The following MMAA variants were observed in gnomAD, a reference collection of about 807,000 sequenced individuals.
MMAA encodes methylmalonic aciduria type A protein, mitochondrial.
A neutral mutation model predicts 45.0 loss-of-function variants in MMAA; 41 were observed. That is an observed-to-expected ratio of 0.91 (90% CI 0.71 to 1.18). The LOEUF (loss-of-function observed/expected upper bound fraction) is 1.18. Ranked by LOEUF, MMAA falls within the 50% of genes most tolerant of loss-of-function variation. The pLI is 0.00. For missense variants in MMAA, 460 were observed against 495.7 expected, an observed-to-expected ratio of 0.93 and a Z score of 0.68; for synonymous variants, 154 against 178.2, an observed-to-expected ratio of 0.86 and a Z score of 1.08.
rs183941385 is a variant in MMAA at position 145,653,934 on chromosome 4, G to A, written c.820-60G>A. ...GAAATGTATGACTTTCAAAATCTGA[G>A]CATTGACTAGTTTTCCCATTTTTAT... On this transcript the variant is annotated intron_variant, in intron 5 of 6. Transcript: ENST00000649156. 137 of 1,552,436 alleles carry A rather than the reference G, an allele frequency of 8.8e-5. 3 individuals carry two copies. The Admixed American group carries it at 2.3e-3, about 26-fold the overall frequency.
chr4:145,631,245 G>A (rs1734329386), intron 1 of MMAA, among the ~76,000 whole-genome samples: 1 of 152,194 alleles, frequency 6.6e-6, no homozygotes, highest in South Asian at 2.1e-4. Flanking sequence ...TGAAAGTGGG[G>A]TGTTGAAGTC....
chr4:145,654,838 T>A (rs1290992511), intron 6 of MMAA, among the ~76,000 whole-genome samples: 2 of 152,210 alleles, frequency 1.3e-5, no homozygotes, highest in Non-Finnish European at 2.9e-5. Flanking sequence ...ATTGCCCTTG[T>A]CACAAGTCCT....
At chr4:145,620,494 T>C (rs2126604459) in intron 1 of MMAA, among the ~76,000 whole-genome samples, 1 of 152,274 alleles carries the variant, frequency 6.6e-6, no homozygotes, top group South Asian at 2.1e-4. Context: ...AAGATCTGTA[T>C]TTTTACGTAT....
chr4:145,640,180 C>A (rs975763311), intron 2 of MMAA, among the ~76,000 whole-genome samples: 4 of 151,504 alleles, frequency 2.6e-5, no homozygotes, highest in African/African-American at 9.7e-5. Context: ...GATCTCGGCT[C>A]ACTGCAACCT....
chr4:145,639,603 C>T, intron 2 of MMAA, 25 bp downstream of exon 2: 5 of 1,592,150 alleles, frequency 3.1e-6, no homozygotes, highest in Admixed American at 1.8e-5. Flanking sequence ...TGTGTTTTCT[C>T]AGTAAATATT....
intron 2 of MMAA, chr4:145,639,800 G>T (rs1727732109): frequency 1.0e-6 from 1 of 984,328 alleles, no homozygotes; most frequent in Admixed American, 6.2e-5. Flanking sequence ...AATAATATAA[G>T]ATTTTTACTT....
chr4:145,624,769 A>G lies in MMAA; in HGVS notation c.-66+5362A>G, dbSNP rs1366273925. ...GCCTTCTCCTCACAATTCTCATCAT[A>G]CACGCACTCTGCAAAGCTTATGCAG... On this transcript the variant is annotated intron_variant, in intron 1 of 6. Transcript: ENST00000649156. 6 of 1,599,562 alleles carry G rather than the reference A, an allele frequency of 3.8e-6. No homozygotes were observed. In the East Asian group the frequency reaches 1.3e-4, roughly 36 times the overall value.
Position 145,633,268 on chromosome 4 carries a change from G to A in MMAA, c.-65-5807G>A, listed in dbSNP as rs966034844. Among the ~76,000 whole-genome samples the A allele has an allele frequency of 7.5e-5, 10 of 133,062 alleles. No individual in the cohort carries two copies. The South Asian group carries it at 1.2e-3, about 16-fold the overall frequency. The allele number at this position is 133,062 out of a possible 152,430, so 87.3% of individuals were successfully genotyped here. A position where few individuals can be genotyped will look rare whatever the true frequency, so the allele number is the denominator to read the frequency against. ...GGCTGGAATGCAGTGATGCGATCTC[G>A]GCTCACCACAACTTCTGCCTCCCAG... On this transcript the variant is annotated intron_variant, in intron 1 of 6. Coordinates refer to ENST00000649156, the MANE Select transcript of MMAA (RefSeq NM_172250.3).
chr4:145,642,800 C>T (rs1459457550), intron 3 of MMAA: 2 of 356,678 alleles, frequency 5.6e-6, no homozygotes, highest in Admixed American at 7.7e-5. Context: ...CTCTTTGCTC[C>T]TGTTGTGTTT....
chr4:145,646,205 A>T, intron 4 of MMAA, 49 bp downstream of exon 4: 1 of 1,605,774 alleles, frequency 6.2e-7, no homozygotes, highest in Non-Finnish European at 8.5e-7. Flanking sequence ...TATGAATGCT[A>T]TATAAAGATG....
rs1728292159 is a variant in MMAA at position 145,658,383 on chromosome 4, A to T, written c.*2949A>T. 6.6e-6 allele frequency: 1 copy of T among 152,174 alleles called. No homozygotes were observed. Among genetic ancestry groups the T allele is most frequent in the Non-Finnish European group, 1.5e-5 (1 of 68,026 alleles). The allele number at this position is 152,174 out of a possible 1,614,324, so 9.4% of individuals were successfully genotyped here. On this transcript the variant is annotated 3_prime_UTR_variant, in exon 7 of 7. Transcript: ENST00000649156. ...AAAAGATAATTCTGAAAAAAATCTC[A>T]TAGGTTCACTTTGCCTTGTCAAGAA...
chr4:145,646,044 C>T lies in MMAA; in HGVS notation c.621C>T (p.Tyr207=). 1 of 1,614,056 alleles carries T rather than the reference C, an allele frequency of 6.2e-7. No homozygotes were observed. Among genetic ancestry groups the T allele is most frequent in the Non-Finnish European group, 8.5e-7 (1 of 1,179,970 alleles). The change falls in exon 4 of 7, where the codon TAC becomes TAT. Residue 207 remains tyrosine, a synonymous_variant. Coordinates refer to ENST00000649156, the MANE Select transcript of MMAA (RefSeq NM_172250.3). Reference sequence around the variant, plus strand: ...AGTTATCAAGAGATATGAATGCATACATCAGGCCATCTCCTACTAGAGGAA... The same window carrying T: ...AGTTATCAAGAGATATGAATGCATATATCAGGCCATCTCCTACTAGAGGAA... ...MTELSRDMNA[Y]IRPSPTRGTL... is the part of the protein sequence containing the mutation.
At chr4:145,649,348 G>A (rs1728028368) in intron 4 of MMAA, among the ~76,000 whole-genome samples, 1 of 152,146 alleles carries the variant, frequency 6.6e-6, no homozygotes, top group Non-Finnish European at 1.5e-5. Flanking sequence ...CAGGTATGGT[G>A]CTTTGACAGT....
intron 6 of MMAA, 113 bp from the exon 7 acceptor site, chr4:145,655,034 G>C: frequency 8.9e-7 from 1 of 1,123,006 alleles, no homozygotes; most frequent in Non-Finnish European, 1.3e-6. Flanking sequence ...TCTCACTCTT[G>C]TCAATTGCCT....
chr4:145,642,570 C>G (rs183167526), intron 3 of MMAA, 85 bp downstream of exon 3: 287 of 1,567,826 alleles, frequency 1.8e-4, no homozygotes, highest in South Asian at 8.8e-4. Flanking sequence ...GTTGGGTGAC[C>G]TCTAACTGCT....
At chr4:145,624,644 C>A in intron 1 of MMAA, 1 of 1,436,154 alleles carries the variant, frequency 7.0e-7, no homozygotes, top group Admixed American at 1.9e-5. Context: ...GACAGAGCCA[C>A]ATATTCAGGG....
chr4:145,619,636 C>T (rs1734051098), intron 1 of MMAA, among the ~76,000 whole-genome samples: 1 of 152,172 alleles, frequency 6.6e-6, no homozygotes, highest in African/African-American at 2.4e-5. Flanking sequence ...GAAGCTTTAA[C>T]AAAGAAAGGC....
In MMAA at chr4:145,656,490, T is replaced by C. The variant is rs894162869; in HGVS notation, c.*1056T>C. 1 of 151,956 alleles carries C rather than the reference T, an allele frequency of 6.6e-6. No homozygotes were observed. Among genetic ancestry groups the C allele is most frequent in the African/African-American group, 2.4e-5 (1 of 41,214 alleles). 9.4% of individuals were successfully genotyped at this position (151,956 alleles called of 1,614,324 possible). A position where few individuals can be genotyped will look rare whatever the true frequency, so the allele number is the denominator to read the frequency against. ...TAGGAAATACTCGAAGGCTGCTTAC[T>C]ATCCTTATTACATTAAAGTTATGGG... On this transcript the variant is annotated 3_prime_UTR_variant, in exon 7 of 7. Transcript: ENST00000649156.
intron 5 of MMAA, 111 bp downstream of exon 5, chr4:145,651,258 A>G (rs1271933148): frequency 3.3e-6 from 3 of 922,560 alleles, no homozygotes; most frequent in African/African-American, 3.3e-5. Flanking sequence ...AGAAAATGAA[A>G]TATCATTCAT....
Sources: gnomAD v4.1 joint callset for allele counts (sites outside exome capture counted in the v4.1 genomes callset) on GRCh38, gnomAD v4.1.1 for gene constraint, MANE v1.5 for transcripts, NCBI Gene and HGNC (gene_info 2026-07-23, HGNC 2026-07-21) for gene names.